Variants in PBX1 observed in about 807,000 individuals in gnomAD.
PBX1 encodes the protein pre-B-cell leukemia transcription factor 1.
A neutral mutation model predicts 53.4 loss-of-function variants in PBX1; 6 were observed. The observed-to-expected ratio is 0.11, with a 90% CI of 0.06 to 0.22. PBX1 has a LOEUF of 0.22. Among genes scored for constraint, PBX1 ranks in the 10% least tolerant of loss-of-function variants. The pLI is 1.00. For missense variants in PBX1, 251 were observed against 551.4 expected, an observed-to-expected ratio of 0.46 and a Z score of 5.46; for synonymous variants, 204 against 212.3, an observed-to-expected ratio of 0.96 and a Z score of 0.34.
chr1:164,873,817 A>G (rs987385511), intron 2 of PBX1, among the ~76,000 whole-genome samples: 3 of 152,192 alleles, frequency 2.0e-5, no homozygotes, highest in Non-Finnish European at 2.9e-5. Context: ...ATAGACTTTC[A>G]TTTACATATG....
Position 164,574,668 on chromosome 1 carries a change from GA to G in PBX1, c.265+11364del, listed in dbSNP as rs1359132055. Among the ~76,000 whole-genome samples the G allele has an allele frequency of 7.2e-5, 11 of 152,104 alleles. 1 individual carries two copies. Among genetic ancestry groups the G allele is most frequent in the African/African-American group, 2.4e-4 (10 of 41,510 alleles). Reference sequence around the variant, plus strand: ...GAATTGCAGAAGGCAAACTGAGAGGGAAAAAAATAGTGGAATTAAAAAAATT... The same window carrying G: ...GAATTGCAGAAGGCAAACTGAGAGGGAAAAAATAGTGGAATTAAAAAAATT... On this transcript the variant is annotated intron_variant, in intron 2 of 8. Transcript: ENST00000420696.
chr1:164,785,898 G>T (rs185372252), intron 2 of PBX1, among the ~76,000 whole-genome samples: 40 of 152,314 alleles, frequency 2.6e-4, no homozygotes, highest in African/African-American at 9.4e-4. Context: ...GGTAATGTTG[G>T]CTTCCTGGGG....
chr1:164,578,795 C>T (rs1475073167), intron 2 of PBX1, among the ~76,000 whole-genome samples: 1 of 152,138 alleles, frequency 6.6e-6, no homozygotes, highest in Non-Finnish European at 1.5e-5. Context: ...GTTTTTTTAC[C>T]TGGATGCCTC....
chr1:164,712,551 C>T (rs1406929069), intron 2 of PBX1, among the ~76,000 whole-genome samples: 7 of 152,156 alleles, frequency 4.6e-5, no homozygotes, highest in South Asian at 2.1e-4. Flanking sequence ...TTTCCTTTCC[C>T]GGTTGATATC....
intron 4 of PBX1, among the ~76,000 whole-genome samples, chr1:164,806,039 A>G (rs16835113): frequency 0.013 from 1,930 of 152,302 alleles, 43 homozygotes; most frequent in African/African-American, 0.044. Flanking sequence ...GAAATCCTAT[A>G]TCCTGGTATA....
chr1:164,664,774 C>T (rs1353993525), intron 2 of PBX1, among the ~76,000 whole-genome samples: 1 of 152,050 alleles, frequency 6.6e-6, no homozygotes, highest in African/African-American at 2.4e-5. Context: ...TGGATGGCAG[C>T]AGGCAAAAAA....
At position 164,638,646 on chromosome 1, in the gene PBX1, CT is replaced by C. The variant is rs1658934493; in HGVS notation, c.265+75338del. 2.0e-5 allele frequency among the ~76,000 whole-genome samples: 3 copies of C among 152,310 alleles called. No homozygotes were observed. The South Asian group carries it at 6.2e-4, about 32-fold the overall frequency. On this transcript the variant is annotated intron_variant, in intron 2 of 8. Coordinates refer to ENST00000420696, the MANE Select transcript of PBX1 (RefSeq NM_002585.4). ...GAGCAGAGCGTGACTACTGATTGTT[CT>C]TTGAGGCCGGAGGAACAAAGCAGTC...
In PBX1 at chr1:164,878,564, A is replaced by G. The variant is rs544433370; in HGVS notation, n.258-20624A>G. On this transcript the variant is annotated intron_variant and non_coding_transcript_variant, in intron 2 of 2. Coordinates refer to the PBX1 transcript ENST00000558796. ...AGATGGAGAGGTAGTAGAATCAGGA[A>G]TTGAACTGAGGCAGTCTGGCTCAAG... Among the ~76,000 whole-genome samples the G allele has an allele frequency of 2.5e-4, 38 of 152,264 alleles. 1 individual carries two copies. In the Middle Eastern group the frequency reaches 0.01, roughly 41 times the overall value.
intron 2 of PBX1, chr1:164,700,496 G>C: frequency 1.0e-6 from 1 of 985,392 alleles, no homozygotes; most frequent in Non-Finnish European, 1.2e-6. Flanking sequence ...AAGGTTTCTT[G>C]CTACTCTTCG....
chr1:164,770,310 C>A (rs1465801926), intron 2 of PBX1: 1 of 152,134 alleles, frequency 6.6e-6, no homozygotes, highest in East Asian at 1.9e-4. Context: ...GAGTGGCAGA[C>A]CAAGGACATC....
intron 2 of PBX1, among the ~76,000 whole-genome samples, chr1:164,675,826 A>G (rs1373551869): frequency 1.3e-5 from 2 of 152,114 alleles, no homozygotes; most frequent in East Asian, 3.9e-4. Context: ...GGATCAGACT[A>G]GAGATTTCTA....
chr1:164,773,035 A>G (rs1252763198), intron 2 of PBX1: 1 of 152,206 alleles, frequency 6.6e-6, no homozygotes, highest in African/African-American at 2.4e-5. Flanking sequence ...AATTCTTGGT[A>G]GATTTTGGTT....
At chr1:164,795,635 T>C (rs1407541992) in intron 3 of PBX1, among the ~76,000 whole-genome samples, 1 of 152,226 alleles carries the variant, frequency 6.6e-6, no homozygotes, top group African/African-American at 2.4e-5. Context: ...GGATGCTTAA[T>C]AATTTATTAA....
At chr1:164,859,813 T>G (rs919103860) in intron 2 of PBX1, among the ~76,000 whole-genome samples, 4 of 152,180 alleles carry the variant, frequency 2.6e-5, no homozygotes, top group African/African-American at 4.8e-5. Context: ...CTCAATATGA[T>G]GCAAGATTAA....
chr1:164,677,125 G>A (rs1016218774), intron 2 of PBX1, among the ~76,000 whole-genome samples: 1 of 135,940 alleles, frequency 7.4e-6, no homozygotes, highest in Admixed American at 8.1e-5. Context: ...TCGCTCTGTC[G>A]CCCAGGCCGG....
chr1:164,883,618 A>G (rs1270764623), intron 2 of PBX1, among the ~76,000 whole-genome samples: 1 of 152,202 alleles, frequency 6.6e-6, no homozygotes, highest in East Asian at 1.9e-4. Context: ...ATTTTGCCAA[A>G]TTTGAGTTCA....
intron 3 of PBX1, 146 bp from the exon 4 acceptor site, chr1:164,799,553 G>T: frequency 1.8e-6 from 1 of 557,750 alleles, no homozygotes; most frequent in South Asian, 4.9e-5. Flanking sequence ...AGCCACAGGG[G>T]CTGAAAGGGA....
At chr1:164,668,953 T>G (rs41313884) in intron 2 of PBX1, among the ~76,000 whole-genome samples, 285 of 152,098 alleles carry the variant, frequency 1.9e-3, no homozygotes, top group Non-Finnish European at 2.8e-3. Flanking sequence ...ACACGTCTGC[T>G]TGGGAGTCTG....
chr1:164,567,108 A>G (rs74117940), intron 2 of PBX1, among the ~76,000 whole-genome samples: 23,017 of 151,822 alleles, frequency 0.15, 2,416 homozygotes, highest in East Asian at 0.54. Flanking sequence ...TAATATAGCA[A>G]TTACATTATG....
Sources: gnomAD v4.1 joint callset for allele counts (sites outside exome capture counted in the v4.1 genomes callset) on GRCh38, gnomAD v4.1.1 for gene constraint, MANE v1.5 for transcripts, NCBI Gene and HGNC (gene_info 2026-07-23, HGNC 2026-07-21) for gene names.